CHODL: variants seen among roughly 807,000 people sequenced by gnomAD.
CHODL encodes transmembrane protein MT75.
Under a neutral mutation model 34.5 loss-of-function variants are expected in CHODL, and 29 were observed. The ratio of observed to expected loss-of-function variants is 0.84; its 90% CI spans 0.63 to 1.15. CHODL has a LOEUF of 1.15. Among genes scored for constraint, CHODL ranks in the 50% most tolerant of loss-of-function variants. CHODL has a pLI of 0.00. For missense variants in CHODL, 332 were observed against 332.5 expected (o/e 1.00, Z 0.01); for synonymous variants, 125 against 116.1 (o/e 1.08, Z -0.49).
chr21:17,977,725 T>C (rs559605722), intron 1 of CHODL, among the ~76,000 whole-genome samples: 12 of 146,138 alleles, frequency 8.2e-5, no homozygotes, highest in African/African-American at 3.0e-4. Context: ...GAGACCATCC[T>C]GGCCAACATG....
intron 2 of CHODL, among the ~76,000 whole-genome samples, chr21:18,238,970 C>T (rs1409107813): frequency 6.6e-6 from 1 of 152,080 alleles, no homozygotes; most frequent in Non-Finnish European, 1.5e-5. Context: ...TGTTCTTTAA[C>T]ACTCTAGAAA....
At chr21:18,178,656 A>G (rs764543179) in intron 2 of CHODL, among the ~76,000 whole-genome samples, 8 of 152,204 alleles carry the variant, frequency 5.3e-5, no homozygotes, top group Non-Finnish European at 1.0e-4. Flanking sequence ...TACATTAACT[A>G]TTCATTAAGT....
chr21:18,024,333 C>A (rs1220343403), intron 1 of CHODL, among the ~76,000 whole-genome samples: 1 of 151,954 alleles, frequency 6.6e-6, no homozygotes, highest in African/African-American at 2.4e-5. Context: ...ATAGATAGAC[C>A]CGTGGGCATA....
In CHODL at chr21:18,023,719, T is replaced by C. The variant is rs76786144; in HGVS notation, c.-144-4153T>C. On this transcript the variant is annotated intron_variant, in intron 1 of 6. Transcript: ENST00000400127. The stretch of plus-strand genomic sequence containing the variant: ...GTCATAGGCAGGTTTTATAGCAGTA[T>C]TTACCCTTTACCCTGTATATGACCT... Among the ~76,000 whole-genome samples the C allele has an allele frequency of 5.8e-3, 885 of 152,276 alleles. 5 individuals are homozygous for C. Among genetic ancestry groups the C allele is most frequent in the South Asian group, 0.018 (86 of 4,820 alleles).
intron 2 of CHODL, among the ~76,000 whole-genome samples, chr21:18,088,573 T>G (rs888353176): frequency 6.6e-6 from 1 of 152,212 alleles, no homozygotes; most frequent in Non-Finnish European, 1.5e-5. Flanking sequence ...TTTTCTCTCT[T>G]ACTGTTTCCC....
intron 2 of CHODL, among the ~76,000 whole-genome samples, chr21:18,222,616 G>A (rs777218466): frequency 2.0e-5 from 3 of 152,096 alleles, no homozygotes; most frequent in Non-Finnish European, 4.4e-5. Flanking sequence ...ATTCCTGCAA[G>A]GGGGAGTCTC....
At chr21:17,993,148 A>T (rs545547820) in intron 1 of CHODL, among the ~76,000 whole-genome samples, 25 of 151,964 alleles carry the variant, frequency 1.6e-4, no homozygotes, top group African/African-American at 5.8e-4. Flanking sequence ...TTTTTTTCCC[A>T]TTCAGTATGA....
intron 2 of CHODL, among the ~76,000 whole-genome samples, chr21:18,138,577 C>G (rs2072765360): frequency 6.6e-6 from 1 of 152,070 alleles, no homozygotes; most frequent in Non-Finnish European, 1.5e-5. Context: ...TTGGAAGGAA[C>G]AGTAATGGAA....
intron 1 of CHODL, among the ~76,000 whole-genome samples, chr21:18,015,988 C>T (rs369650478): frequency 3.9e-5 from 6 of 152,024 alleles, no homozygotes; most frequent in East Asian, 1.9e-4. Context: ...GGAAGCAGAG[C>T]GTAGAAGTTT....
At chr21:17,925,366 G>C (rs1339079921) in intron 1 of CHODL, among the ~76,000 whole-genome samples, 2 of 152,220 alleles carry the variant, frequency 1.3e-5, no homozygotes, top group Non-Finnish European at 2.9e-5. Context: ...TGGAGAATGG[G>C]TGAAGATGTA....
At chr21:18,200,986 A>G (rs1417918087) in intron 2 of CHODL, among the ~76,000 whole-genome samples, 1 of 152,062 alleles carries the variant, frequency 6.6e-6, no homozygotes, top group African/African-American at 2.4e-5. Context: ...AGCCCTGCCA[A>G]CTCCTTGATT....
intron 1 of CHODL, among the ~76,000 whole-genome samples, chr21:18,012,889 C>A (rs2064032425): frequency 6.6e-6 from 1 of 151,892 alleles, no homozygotes; most frequent in South Asian, 2.1e-4. Context: ...TAAAATATGG[C>A]TGGAGTGGTA....
intron 1 of CHODL, among the ~76,000 whole-genome samples, chr21:18,024,158 C>CT (rs912067568): frequency 3.3e-5 from 5 of 152,054 alleles, no homozygotes; most frequent in African/African-American, 1.2e-4. Context: ...CTCCCCATTT[C>CT]TTTTTTAATT....
At chr21:18,162,292 G>A (rs760521198) in intron 2 of CHODL, among the ~76,000 whole-genome samples, 13 of 152,078 alleles carry the variant, frequency 8.5e-5, no homozygotes, top group East Asian at 1.9e-4. Flanking sequence ...TCTGAGGGCC[G>A]TGAGGAAGAA....
At chr21:18,252,684 A>G (rs1448682268) in intron 1 of CHODL, among the ~76,000 whole-genome samples, 1 of 152,146 alleles carries the variant, frequency 6.6e-6, no homozygotes, top group Non-Finnish European at 1.5e-5. Context: ...AAATTGTGCA[A>G]TATATTTATA....
At chr21:18,023,739 T>A (rs2146428827) in intron 1 of CHODL, among the ~76,000 whole-genome samples, 1 of 152,316 alleles carries the variant, frequency 6.6e-6, no homozygotes, top group Non-Finnish European at 1.5e-5. Flanking sequence ...ACCCTGTATA[T>A]GACCTTAATA....
chr21:18,047,791 A>T (rs1056522703), intron 2 of CHODL, among the ~76,000 whole-genome samples: 4 of 151,922 alleles, frequency 2.6e-5, no homozygotes, highest in African/African-American at 9.7e-5. Context: ...AAAAGCTACC[A>T]TCTTAGATGT....
At chr21:18,103,999 A>T (rs989922846) in intron 2 of CHODL, among the ~76,000 whole-genome samples, 4 of 152,310 alleles carry the variant, frequency 2.6e-5, no homozygotes, top group African/African-American at 9.6e-5. Context: ...AGACACAATG[A>T]GACAATGTCT....
At chr21:18,205,968 T>G (rs1406882040) in intron 2 of CHODL, among the ~76,000 whole-genome samples, 1 of 152,172 alleles carries the variant, frequency 6.6e-6, no homozygotes, top group Non-Finnish European at 1.5e-5. Flanking sequence ...TGTTACTGAT[T>G]TTTAGTTTTA....
Sources: gnomAD v4.1 joint callset for allele counts (sites outside exome capture counted in the v4.1 genomes callset) on GRCh38, gnomAD v4.1.1 for gene constraint, MANE v1.5 for transcripts, NCBI Gene and HGNC (gene_info 2026-07-23, HGNC 2026-07-21) for gene names.